The following TMEM87B variants were observed in gnomAD, a reference collection of about 807,000 sequenced individuals.
TMEM87B encodes the protein transmembrane protein 87B.
TMEM87B carries 83 observed loss-of-function variants against 80.3 expected under a neutral mutation model. The ratio of observed to expected loss-of-function variants is 1.03; its 90% CI spans 0.87 to 1.24. The LOEUF is 1.24. Ranked by LOEUF, TMEM87B falls within the 50% of genes most tolerant of loss-of-function variation. The probability of loss-of-function intolerance (pLI) is 0.00; values close to 1 mark genes in which losing one functional copy is unlikely to be tolerated. For synonymous variants in TMEM87B, 219 were observed against 230.5 expected, an observed-to-expected ratio of 0.95 and a Z score of 0.45; for missense variants, 625 against 674.4, an observed-to-expected ratio of 0.93 and a Z score of 0.81.
chr2:112,083,986 G>A (rs796991828), intron 8 of TMEM87B, among the ~76,000 whole-genome samples: 26 of 152,308 alleles, frequency 1.7e-4, no homozygotes, highest in African/African-American at 6.3e-4. Flanking sequence ...TTGAACTTAG[G>A]TTTGGAGTAC....
intron 16 of TMEM87B, among the ~76,000 whole-genome samples, chr2:112,107,546 A>T (rs1193400216): frequency 1.3e-5 from 2 of 152,108 alleles, no homozygotes; most frequent in African/African-American, 4.8e-5. Context: ...GGACAAAAAA[A>T]ATAATATTTC....
chr2:112,069,217 A>C (rs955722765), intron 4 of TMEM87B, among the ~76,000 whole-genome samples: 9 of 151,732 alleles, frequency 5.9e-5, no homozygotes, highest in Admixed American at 1.3e-4. Flanking sequence ...AAAAAAAAAA[A>C]AAAACTCATG....
chr2:112,085,355 A>C (rs1679111495), intron 8 of TMEM87B, among the ~76,000 whole-genome samples: 1 of 150,270 alleles, frequency 6.7e-6, no homozygotes. Context: ...GTCATCCCCC[A>C]CCCCCAAATA....
chr2:112,058,007 A>G (rs1678133266), intron 1 of TMEM87B, among the ~76,000 whole-genome samples: 1 of 151,924 alleles, frequency 6.6e-6, no homozygotes, highest in Admixed American at 6.6e-5. Context: ...TTTTATTTTT[A>G]GTACAGGCAG....
chr2:112,088,674 A>G (rs762990303), intron 9 of TMEM87B, among the ~76,000 whole-genome samples: 3 of 152,304 alleles, frequency 2.0e-5, no homozygotes, highest in South Asian at 4.1e-4. Flanking sequence ...AAATTATTCT[A>G]TTTTAAATTA....
Position 112,097,062 on chromosome 2 carries a change from C to T in TMEM87B, c.1123C>T (p.Gln375Ter). 6.3e-7 allele frequency: 1 copy of T among 1,592,728 alleles called. No individual in the cohort carries two copies. Among genetic ancestry groups the T allele is most frequent in the Non-Finnish European group, 8.5e-7 (1 of 1,173,572 alleles). ...FVWFIFISLA[Q>*]TMKTLRLRKN... ...TTTTCACATTTTTATTAGTTTGGCA[C>T]AAACTATGAAGACCCTAAGGCTAAG... Residue 375 changes from glutamine to a stop codon, truncating the protein, a stop_gained, in exon 12 of 19, where the codon CAA becomes TAA. Transcript: ENST00000283206. LOFTEE classifies it high-confidence loss of function.
intron 8 of TMEM87B, 31 bp downstream of exon 8, chr2:112,081,549 A>G: frequency 6.4e-7 from 1 of 1,573,434 alleles, no homozygotes; most frequent in Non-Finnish European, 8.6e-7. Flanking sequence ...TAAATATAGT[A>G]TGATCTAAGA....
chr2:112,109,265 A>G (rs1361052812), intron 17 of TMEM87B, among the ~76,000 whole-genome samples: 2 of 152,180 alleles, frequency 1.3e-5, no homozygotes, highest in Non-Finnish European at 2.9e-5. Context: ...ATATGGGTGT[A>G]TATATTCTTT....
chr2:112,102,472 T>C (rs1423211645), intron 15 of TMEM87B, among the ~76,000 whole-genome samples: 1 of 152,090 alleles, frequency 6.6e-6, no homozygotes, highest in Admixed American at 6.6e-5. Flanking sequence ...GGCAGGCAGA[T>C]CACCTGAGGT....
At chr2:112,102,796 A>C (rs577982774) in intron 15 of TMEM87B, among the ~76,000 whole-genome samples, 2 of 152,350 alleles carry the variant, frequency 1.3e-5, no homozygotes, top group Non-Finnish European at 1.5e-5. Context: ...CAAAAGCCTC[A>C]GCAAACTAAT....
chr2:112,098,587 T>C lies in TMEM87B; in HGVS notation c.1273-8T>C. The C allele has an allele frequency of 1.2e-6, 2 of 1,613,880 alleles. No individual in the cohort carries two copies. Among genetic ancestry groups the C allele is most frequent in the Non-Finnish European group, 1.7e-6 (2 of 1,179,800 alleles). On this transcript the variant is annotated splice_polypyrimidine_tract_variant and splice_region_variant and intron_variant, in intron 13 of 18. Transcript: ENST00000283206. ...TAACGTTTCATGCTTGAATTGTCCTTCTTTTAGGATTGGATGGAACGCTGG... is the reference window on the plus strand; with the variant it reads ...TAACGTTTCATGCTTGAATTGTCCTCCTTTTAGGATTGGATGGAACGCTGG...
chr2:112,091,604 T>G (rs1392542643), intron 10 of TMEM87B, 108 bp from the exon 11 acceptor site: 1 of 759,818 alleles, frequency 1.3e-6, no homozygotes, highest in East Asian at 2.6e-5. Flanking sequence ...TTATGTGGCT[T>G]TGTAAAGTAA....
rs765011904 is a variant in TMEM87B at position 112,116,135 on chromosome 2, A to G, written c.1660A>G (p.Ile554Val). Residue 554 changes from isoleucine to valine, a missense_variant, in exon 19 of 19, where the codon ATA (isoleucine) becomes GTA (valine). Physicochemically the swap from Ile to Val is conservative, Grantham distance 29. Coordinates refer to ENST00000283206, the MANE Select transcript of TMEM87B (RefSeq NM_032824.3). ...MAEKMFSSEK[I>V]M ...TGAAAAAATGTTCTCTTCAGAAAAG[A>G]TAATGTGATTGGAACCCGTATAAGA... The G allele has an allele frequency of 2.5e-5, 40 of 1,612,576 alleles. 1 individual carries two copies. Among genetic ancestry groups the G allele is most frequent in the Middle Eastern group, 1.6e-4 (1 of 6,076 alleles).
chr2:112,092,022 G>A (rs2104487926), intron 11 of TMEM87B, among the ~76,000 whole-genome samples: 1 of 152,254 alleles, frequency 6.6e-6, no homozygotes, highest in East Asian at 1.9e-4. Flanking sequence ...ACGAGGCATG[G>A]GTGAAAAAGA....
chr2:112,090,203 T>C (rs949903251), intron 10 of TMEM87B, among the ~76,000 whole-genome samples: 3 of 152,188 alleles, frequency 2.0e-5, no homozygotes, highest in Non-Finnish European at 4.4e-5. Flanking sequence ...GACCCCACCA[T>C]TGGAAAAGCC....
At chr2:112,060,545 T>C (rs1265766086) in intron 2 of TMEM87B, among the ~76,000 whole-genome samples, 2 of 151,888 alleles carry the variant, frequency 1.3e-5, no homozygotes, top group Non-Finnish European at 2.9e-5. Context: ...TTTTTCTTTT[T>C]TTTTTTCTTG....
intron 9 of TMEM87B, among the ~76,000 whole-genome samples, chr2:112,087,164 CT>C (rs1679171573): frequency 6.6e-6 from 1 of 152,094 alleles, no homozygotes; most frequent in Admixed American, 6.5e-5. Flanking sequence ...AGACCCCTGC[CT>C]TTCTCTTTGT....
intron 6 of TMEM87B, among the ~76,000 whole-genome samples, chr2:112,079,527 C>T (rs1160936450): frequency 1.3e-5 from 2 of 152,162 alleles, no homozygotes; most frequent in Non-Finnish European, 1.5e-5. Context: ...TGGACACTTA[C>T]CTTGATTCCA....
intron 15 of TMEM87B, among the ~76,000 whole-genome samples, chr2:112,102,320 G>A (rs1180052172): frequency 6.6e-6 from 1 of 152,138 alleles, no homozygotes; most frequent in Non-Finnish European, 1.5e-5. Context: ...AGACAATCAT[G>A]ATCAAGTGGA....
Sources: allele counts gnomAD v4.1 joint callset (sites outside exome capture counted in the v4.1 genomes callset), GRCh38; gene constraint gnomAD v4.1.1; transcripts MANE v1.5; gene names NCBI Gene and HGNC (gene_info 2026-07-23, HGNC 2026-07-21).